RAB38: variants seen among roughly 807,000 people sequenced by gnomAD.
RAB38 encodes RAB38, member RAS oncogene family.
In RAB38, 15 loss-of-function variants were observed where a neutral mutation model predicts 18.4. The ratio of observed to expected loss-of-function variants is 0.82; its 90% CI spans 0.55 to 1.26. RAB38 has a LOEUF of 1.26. Ranked by LOEUF, RAB38 falls within the 50% of genes most tolerant of loss-of-function variation. The probability of loss-of-function intolerance (pLI) is 0.00; values close to 1 mark genes in which losing one functional copy is unlikely to be tolerated. For missense variants in RAB38, 294 were observed against 267.4 expected, an observed-to-expected ratio of 1.10 and a Z score of -0.69; for synonymous variants, 101 against 104.4, an observed-to-expected ratio of 0.97 and a Z score of 0.20.
chr11:87,875,699 T>C, the RAB38 span, among the ~76,000 whole-genome samples: 1 of 151,602 alleles, frequency 6.6e-6, no homozygotes, highest in African/African-American at 2.4e-5. Flanking sequence ...GTTAGATTTT[T>C]TCTCTAGAAA....
the RAB38 span, among the ~76,000 whole-genome samples, chr11:88,069,149 T>C: frequency 0.78 from 118,102 of 152,164 alleles, 46,105 homozygotes; most frequent in African/African-American, 0.85. Flanking sequence ...TGGAATGGCC[T>C]GCCAGCACCG....
At chr11:87,874,167 A>G in the RAB38 span, among the ~76,000 whole-genome samples, 1 of 150,720 alleles carries the variant, frequency 6.6e-6, no homozygotes, top group African/African-American at 2.4e-5. Flanking sequence ...GTTTACTTCT[A>G]TTTTTTCACC....
chr11:88,061,260 C>G, the RAB38 span, among the ~76,000 whole-genome samples: 1 of 152,202 alleles, frequency 6.6e-6, no homozygotes, highest in Non-Finnish European at 1.5e-5. Context: ...TCATTTCTGT[C>G]TGGTTCCAAC....
At chr11:87,950,959 T>A in the RAB38 span, among the ~76,000 whole-genome samples, 1 of 152,230 alleles carries the variant, frequency 6.6e-6, no homozygotes, top group Non-Finnish European at 1.5e-5. Context: ...GAAGTTCTCC[T>A]GGATAATATC....
the RAB38 span, among the ~76,000 whole-genome samples, chr11:88,027,961 T>C: frequency 6.6e-6 from 1 of 152,154 alleles, no homozygotes; most frequent in Non-Finnish European, 1.5e-5. Flanking sequence ...CTGAGCAGCC[T>C]AACTGGGAGG....
chr11:87,951,318 ACTT>A, the RAB38 span, among the ~76,000 whole-genome samples: 1 of 151,580 alleles, frequency 6.6e-6, no homozygotes, highest in African/African-American at 2.4e-5. Flanking sequence ...AAAGCTTTTA[ACTT>A]CTTTGCCATT....
chr11:88,032,473 C>T, the RAB38 span, among the ~76,000 whole-genome samples: 8 of 152,052 alleles, frequency 5.3e-5, no homozygotes, highest in African/African-American at 1.9e-4. Context: ...ATTTTTGCAA[C>T]CTACTCATCT....
the RAB38 span, among the ~76,000 whole-genome samples, chr11:87,971,836 ATGT>A: frequency 6.6e-5 from 10 of 151,956 alleles, no homozygotes; most frequent in African/African-American, 1.7e-4. Flanking sequence ...TAAAACAATA[ATGT>A]TGTTTTTGCT....
At chr11:88,004,668 A>G in the RAB38 span, among the ~76,000 whole-genome samples, 5 of 151,342 alleles carry the variant, frequency 3.3e-5, no homozygotes, top group Non-Finnish European at 5.9e-5. Flanking sequence ...TAAAAAGTAC[A>G]GAGCTTGAAC....
intron 2 of RAB38, among the ~76,000 whole-genome samples, chr11:88,126,848 T>A (rs1167073795): frequency 1.3e-5 from 2 of 152,128 alleles, no homozygotes; most frequent in African/African-American, 4.8e-5. Context: ...ACAAGGTTAT[T>A]GAGGATGTGT....
chr11:87,844,384 T>C, the RAB38 span, among the ~76,000 whole-genome samples: 1 of 152,180 alleles, frequency 6.6e-6, no homozygotes, highest in Non-Finnish European at 1.5e-5. Flanking sequence ...CCAGGCCTTA[T>C]GCTAAGCAGT....
At chr11:87,852,112 T>C in the RAB38 span, among the ~76,000 whole-genome samples, 1 of 152,110 alleles carries the variant, frequency 6.6e-6, no homozygotes, top group African/African-American at 2.4e-5. Flanking sequence ...GTTCAGCTTC[T>C]TCTCTGTGTC....
At chr11:87,825,542 G>T in the RAB38 span, among the ~76,000 whole-genome samples, 1 of 152,092 alleles carries the variant, frequency 6.6e-6, no homozygotes, top group Non-Finnish European at 1.5e-5. Context: ...AACCAGTGCA[G>T]TTGGACTAGG....
chr11:88,078,700 C>T, the RAB38 span, among the ~76,000 whole-genome samples: 2 of 151,744 alleles, frequency 1.3e-5, no homozygotes, highest in African/African-American at 4.8e-5. Context: ...AGAGAGTAGA[C>T]TGGTGATCAT....
At chr11:87,883,365 G>A in the RAB38 span, among the ~76,000 whole-genome samples, 1 of 151,972 alleles carries the variant, frequency 6.6e-6, no homozygotes, top group East Asian at 2.0e-4. Context: ...CAAACCTCAC[G>A]TTTGAAATTT....
At chr11:88,106,599 T>C in the RAB38 span, among the ~76,000 whole-genome samples, 1 of 152,266 alleles carries the variant, frequency 6.6e-6, no homozygotes, top group South Asian at 2.1e-4. Flanking sequence ...AGGTATATAC[T>C]GCCTGTGCCT....
the RAB38 span, among the ~76,000 whole-genome samples, chr11:88,021,984 T>C: frequency 6.6e-6 from 1 of 152,020 alleles, no homozygotes. Context: ...AGAGAATACT[T>C]TCAAACTCAT....
chr11:87,958,767 G>A, the RAB38 span, among the ~76,000 whole-genome samples: 12 of 152,242 alleles, frequency 7.9e-5, no homozygotes, highest in Admixed American at 3.9e-4. Context: ...CAGGGCATAC[G>A]TTTGCCTTGT....
chr11:88,124,957 T>C (rs540460222), intron 2 of RAB38, among the ~76,000 whole-genome samples: 1 of 152,222 alleles, frequency 6.6e-6, no homozygotes, highest in Non-Finnish European at 1.5e-5. Flanking sequence ...TGTGACTGTC[T>C]TGTTAGTCCA....
Sources: gnomAD v4.1 joint callset for allele counts (sites outside exome capture counted in the v4.1 genomes callset) on GRCh38, gnomAD v4.1.1 for gene constraint, MANE v1.5 for transcripts, NCBI Gene and HGNC (gene_info 2026-07-23, HGNC 2026-07-21) for gene names.